The following ERG variants were observed in gnomAD, a reference collection of about 807,000 sequenced individuals.
The protein encoded by ERG is transcriptional regulator ERG.
A neutral mutation model predicts 55.3 loss-of-function variants in ERG; 9 were observed. That is an observed-to-expected ratio of 0.16 (90% CI 0.10 to 0.28). The LOEUF (loss-of-function observed/expected upper bound fraction) is 0.28. ERG is among the 10% of genes least tolerant of loss of function. ERG has a pLI of 1.00. For missense variants in ERG, 434 were observed against 631.6 expected, an observed-to-expected ratio of 0.69 and a Z score of 3.35; for synonymous variants, 223 against 237.3, an observed-to-expected ratio of 0.94 and a Z score of 0.55.
At chr21:38,480,493 G>A (rs1249834345) in intron 1 of ERG, among the ~76,000 whole-genome samples, 1 of 147,938 alleles carries the variant, frequency 6.8e-6, no homozygotes, top group Non-Finnish European at 1.5e-5. Context: ...AAGCCACTAG[G>A]TTGTAATAAT....
chr21:38,488,492 C>T (rs2059307431), intron 1 of ERG, among the ~76,000 whole-genome samples: 1 of 152,082 alleles, frequency 6.6e-6, no homozygotes, highest in African/African-American at 2.4e-5. Context: ...CTGTAGATGG[C>T]TAATTGATGA....
intron 1 of ERG, among the ~76,000 whole-genome samples, chr21:38,626,356 T>C (rs989973467): frequency 6.6e-6 from 1 of 152,292 alleles, no homozygotes; most frequent in South Asian, 2.1e-4. Context: ...TTTTGCAAAA[T>C]GTTGACTGAC....
chr21:38,581,175 A>C (rs1016794510), intron 1 of ERG, among the ~76,000 whole-genome samples: 1 of 152,172 alleles, frequency 6.6e-6, no homozygotes, highest in Non-Finnish European at 1.5e-5. Context: ...GGATGGGTTC[A>C]GCTGGGGAGG....
At chr21:38,403,928 G>C (rs1988638229) in intron 3 of ERG, among the ~76,000 whole-genome samples, 1 of 151,982 alleles carries the variant, frequency 6.6e-6, no homozygotes, top group Admixed American at 6.6e-5. Context: ...TGGAATCTTG[G>C]GATTATTCAC....
At position 38,382,945 on chromosome 21, in the gene ERG, GAT is replaced by G. The variant is rs1197353235; in HGVS notation, c.*456_*457del. ...CTCTCGTGTCTTTTCTCTTGTTTTT[GAT>G]ATGTTTCTATTTTTAAATACAGGTA... On this transcript the variant is annotated 3_prime_UTR_variant, in exon 10 of 10. Coordinates refer to ENST00000288319, the MANE Select transcript of ERG (RefSeq NM_182918.4). 3 of 1,067,152 alleles carry G rather than the reference GAT, an allele frequency of 2.8e-6. No individual in the cohort carries two copies. Among genetic ancestry groups the G allele is most frequent in the East Asian group, 5.0e-5 (1 of 20,126 alleles). 66.1% of individuals were successfully genotyped at this position (1,067,152 alleles called of 1,614,324 possible). A position where few individuals can be genotyped will look rare whatever the true frequency, so the allele number is the denominator to read the frequency against.
At chr21:38,433,596 C>T (rs1351278597) in intron 2 of ERG, among the ~76,000 whole-genome samples, 3 of 151,510 alleles carry the variant, frequency 2.0e-5, no homozygotes, top group Non-Finnish European at 3.0e-5. Flanking sequence ...GGAAAGAACC[C>T]GCAATGAAAT....
At chr21:38,419,451 G>A (rs924367069) in intron 3 of ERG, among the ~76,000 whole-genome samples, 5 of 152,036 alleles carry the variant, frequency 3.3e-5, no homozygotes, top group African/African-American at 1.2e-4. Context: ...ATGATACCTC[G>A]AAGCCAAATA....
intron 1 of ERG, among the ~76,000 whole-genome samples, chr21:38,614,912 G>T (rs1293753014): frequency 6.6e-6 from 1 of 152,210 alleles, no homozygotes; most frequent in Non-Finnish European, 1.5e-5. Context: ...GGAAGCCCAA[G>T]ATTGTCCGGC....
At chr21:38,474,544 T>C (rs958491460) in intron 1 of ERG, among the ~76,000 whole-genome samples, 3 of 152,126 alleles carry the variant, frequency 2.0e-5, no homozygotes, top group African/African-American at 7.2e-5. Context: ...CCTCAACTCT[T>C]TGCCCTAAAA....
intron 2 of ERG, among the ~76,000 whole-genome samples, chr21:38,553,998 C>T (rs1245411037): frequency 1.7e-5 from 2 of 116,014 alleles, no homozygotes; most frequent in Non-Finnish European, 4.5e-5. Flanking sequence ...CAAAAAACAA[C>T]TTCTTTAAAA....
chr21:38,403,627 G>A lies in ERG; in HGVS notation c.471C>T (p.Ile157=). The A allele has an allele frequency of 6.2e-7, 1 of 1,614,166 alleles. No individual in the cohort carries two copies. The highest frequency in any genetic ancestry group is 8.5e-7 in the Non-Finnish European group (1 of 1,180,014). ...VKEYGLPDVN[I]LLFQNIDGKE... Reference sequence around the variant, plus strand: ...TCCCATCGATGTTCTGGAATAACAAGATGTTGACGTCTGGAAGGCCATATT... The same window carrying A: ...TCCCATCGATGTTCTGGAATAACAAAATGTTGACGTCTGGAAGGCCATATT... The change falls in exon 4 of 10, where the codon ATC becomes ATT. Residue 157 remains isoleucine, a synonymous_variant. Coordinates refer to ENST00000288319, the MANE Select transcript of ERG (RefSeq NM_182918.4).
intron 2 of ERG, among the ~76,000 whole-genome samples, chr21:38,510,520 AT>A (rs1308708742): frequency 6.6e-6 from 1 of 152,190 alleles, no homozygotes; most frequent in East Asian, 1.9e-4. Flanking sequence ...TAATCTGTAA[AT>A]TGGAGTTGAA....
chr21:38,397,581 A>C (rs927952359), intron 6 of ERG, among the ~76,000 whole-genome samples: 1 of 122,928 alleles, frequency 8.1e-6, no homozygotes, highest in Non-Finnish European at 1.6e-5. Flanking sequence ...CTGGCAACAG[A>C]GTGAGACTCC....
intron 1 of ERG, chr21:38,450,955 G>T: frequency 2.2e-6 from 1 of 451,906 alleles, no homozygotes; most frequent in Non-Finnish European, 4.4e-6. Context: ...TCAACAGTGA[G>T]GATGAGGCAG....
At chr21:38,411,509 T>C (rs190495821) in intron 3 of ERG, among the ~76,000 whole-genome samples, 4 of 152,246 alleles carry the variant, frequency 2.6e-5, no homozygotes, top group African/African-American at 9.6e-5. Context: ...GGTTTCACCA[T>C]GTTGTCCAGG....
At chr21:38,446,506 A>G (rs1477468498) in intron 1 of ERG, among the ~76,000 whole-genome samples, 3 of 152,198 alleles carry the variant, frequency 2.0e-5, no homozygotes, top group Non-Finnish European at 4.4e-5. Flanking sequence ...TCAACGACTT[A>G]AATGATGGCT....
At chr21:38,628,946 C>A (rs536726231) in intron 1 of ERG, among the ~76,000 whole-genome samples, 3 of 152,214 alleles carry the variant, frequency 2.0e-5, no homozygotes, top group African/African-American at 4.8e-5. Flanking sequence ...TTCCTCCAAA[C>A]CTTTCTAAAC....
At chr21:38,619,545 C>T (rs1041550561) in intron 1 of ERG, among the ~76,000 whole-genome samples, 1 of 152,216 alleles carries the variant, frequency 6.6e-6, no homozygotes, top group African/African-American at 2.4e-5. Context: ...ATCTAGCAAT[C>T]ATAAAAGCAT....
At chr21:38,618,131 G>A (rs118331) in intron 1 of ERG, among the ~76,000 whole-genome samples, 17,426 of 152,240 alleles carry the variant, frequency 0.11, 1,417 homozygotes, top group East Asian at 0.3. Flanking sequence ...GAAAGTAGAA[G>A]AGTCTGGAAA....
Sources: gnomAD v4.1 joint callset for allele counts (sites outside exome capture counted in the v4.1 genomes callset) on GRCh38, gnomAD v4.1.1 for gene constraint, MANE v1.5 for transcripts, NCBI Gene and HGNC (gene_info 2026-07-23, HGNC 2026-07-21) for gene names.